GPD2: variants seen among roughly 807,000 people sequenced by gnomAD.
The protein encoded by GPD2 is glycerol-3-phosphate dehydrogenase, mitochondrial.
A neutral mutation model predicts 82.4 loss-of-function variants in GPD2; 54 were observed. The ratio of observed to expected loss-of-function variants is 0.66; its 90% CI spans 0.53 to 0.82. GPD2 has a LOEUF of 0.82. GPD2 is among the 40% of genes least tolerant of loss of function. The pLI, the probability that GPD2 is intolerant of heterozygous loss-of-function variation, is 0.00. For missense variants in GPD2, 748 were observed against 896.2 expected, an observed-to-expected ratio of 0.83 and a Z score of 2.11; for synonymous variants, 288 against 306.1, an observed-to-expected ratio of 0.94 and a Z score of 0.62.
chr2:156,434,524 A>C (rs150499081), upstream of GPD2, among the ~76,000 whole-genome samples: 1 of 152,218 alleles, frequency 6.6e-6, no homozygotes, highest in Non-Finnish European at 1.5e-5. Flanking sequence ...AATTCCAGGA[A>C]CATGAAGATA....
In GPD2 at chr2:156,469,612, A is replaced by G. The variant is rs537103524; in HGVS notation, c.-8-6486A>G. ...GCTGCAATAAACATGGGAGTGCAATATGGGATGCCTTTATGTCTTGCTGGA... is the reference window on the plus strand; with the variant it reads ...GCTGCAATAAACATGGGAGTGCAATGTGGGATGCCTTTATGTCTTGCTGGA... On this transcript the variant is annotated intron_variant, in intron 1 of 16. Transcript: ENST00000438166. Among the ~76,000 whole-genome samples the G allele has an allele frequency of 7.2e-5, 11 of 152,312 alleles. No individual in the cohort carries two copies. The South Asian group carries it at 1.9e-3, about 26-fold the overall frequency.
At chr2:156,552,062 G>T (rs143384534) in intron 8 of GPD2, among the ~76,000 whole-genome samples, 2 of 152,108 alleles carry the variant, frequency 1.3e-5, no homozygotes, top group South Asian at 2.1e-4. Flanking sequence ...TTGGTTGTCC[G>T]GTAACTAAAT....
rs1686004155 is a variant in GPD2, at chr2:156,534,877, A to G, written c.662-14731A>G. Among the ~76,000 whole-genome samples the G allele has an allele frequency of 2.0e-5, 3 of 152,218 alleles. No homozygotes were observed. The South Asian group carries it at 6.2e-4, about 32-fold the overall frequency. ...CATTGATTTATGGTTGCCTGTGAGAAGTTCTGTGACAAGCATATACCTAAT... is the reference window on the plus strand; with the variant it reads ...CATTGATTTATGGTTGCCTGTGAGAGGTTCTGTGACAAGCATATACCTAAT... On this transcript the variant is annotated intron_variant, in intron 6 of 16. Coordinates refer to ENST00000438166, the MANE Select transcript of GPD2 (RefSeq NM_000408.5).
In GPD2 at chr2:156,545,569, A is replaced by G. The variant is rs570454193; in HGVS notation, c.662-4039A>G. ...AATTGAGAAGTACTTTTTCTAACAA[A>G]TAGAGTTTCTATACTGGCAGGTAGA... On this transcript the variant is annotated intron_variant, in intron 6 of 16. Transcript: ENST00000438166. 4.6e-5 allele frequency among the ~76,000 whole-genome samples: 7 copies of G among 152,334 alleles called. No individual in the cohort carries two copies. The East Asian group carries it at 5.8e-4, about 13-fold the overall frequency.
Position 156,579,244 on chromosome 2 carries a change from C to A in GPD2, c.1959+80C>A, listed in dbSNP as rs963562375. ...AGATGTTTTTCTCATCTAGGGTTTT[C>A]TACAAGTAATATTTTTGTTATAATT... On this transcript the variant is annotated intron_variant, in intron 15 of 16. Coordinates refer to ENST00000438166, the MANE Select transcript of GPD2 (RefSeq NM_000408.5). 8 of 790,874 alleles carry A rather than the reference C, an allele frequency of 1.0e-5. No individual in the cohort carries two copies. In the African/African-American group the frequency reaches 1.4e-4, roughly 14 times the overall value. The allele number at this position is 790,874 out of a possible 1,614,324, so 49.0% of individuals were successfully genotyped here.
At chr2:156,503,605 A>G (rs1024914386) in intron 3 of GPD2, among the ~76,000 whole-genome samples, 3 of 152,218 alleles carry the variant, frequency 2.0e-5, no homozygotes, top group Non-Finnish European at 2.9e-5. Flanking sequence ...AGATAGATGT[A>G]TAAGTATTTA....
At chr2:156,570,853 G>A (rs1373405453) in intron 12 of GPD2, among the ~76,000 whole-genome samples, 2 of 152,260 alleles carry the variant, frequency 1.3e-5, no homozygotes, top group South Asian at 2.1e-4. Context: ...ACTGTGGATG[G>A]TTAATGAGAA....
In GPD2 at chr2:156,571,186, G is replaced by A. The variant is rs147743394; in HGVS notation, c.1661G>A (p.Arg554His). 199 of 1,611,344 alleles carry A rather than the reference G, an allele frequency of 1.2e-4. No individual in the cohort carries two copies. Among genetic ancestry groups the A allele is most frequent in the Middle Eastern group, 1.7e-4 (1 of 6,034 alleles). Residue 554 changes from arginine to histidine, a missense_variant, in exon 13 of 17, where the codon CGT becomes CAT. Coordinates refer to ENST00000438166, the MANE Select transcript of GPD2 (RefSeq NM_000408.5). ...YACTAVDMIS[R>H]RTRLAFLNVQ... ...TGCACTGCTGTGGATATGATTTCAC[G>A]TCGTACTCGCCTGGCCTTTCTAAAT...
intron 6 of GPD2, among the ~76,000 whole-genome samples, chr2:156,543,206 C>G (rs111982256): frequency 0.02 from 3,032 of 152,200 alleles, 88 homozygotes; most frequent in African/African-American, 0.068. Flanking sequence ...TAATAGTCCC[C>G]CTTGATCCCA....
At chr2:156,407,382 T>C in the GPD2 span, among the ~76,000 whole-genome samples, 9 of 152,252 alleles carry the variant, frequency 5.9e-5, no homozygotes, top group African/African-American at 2.2e-4. Flanking sequence ...GTTATGCTCA[T>C]ATCCTTTTCT....
chr2:156,528,005 A>G (rs1167166518), intron 6 of GPD2, among the ~76,000 whole-genome samples: 1 of 152,158 alleles, frequency 6.6e-6, no homozygotes, highest in East Asian at 1.9e-4. Context: ...TTACCTCAGA[A>G]CCATTTTAGT....
the GPD2 span, among the ~76,000 whole-genome samples, chr2:156,426,136 G>A: frequency 6.6e-6 from 1 of 151,954 alleles, no homozygotes; most frequent in Admixed American, 6.6e-5. Flanking sequence ...TTTTAGCCGG[G>A]ATAGTCTCGA....
chr2:156,533,321 CATGAGCT>C (rs1558946945), intron 6 of GPD2, among the ~76,000 whole-genome samples: 3 of 152,194 alleles, frequency 2.0e-5, no homozygotes, highest in Non-Finnish European at 4.4e-5. Context: ...TCCATCAACT[CATGAGCT>C]ATGAGCTATG....
chr2:156,510,878 G>C lies in GPD2; in HGVS notation c.357G>C (p.Val119=). Residue 119 remains valine, a synonymous_variant, in exon 4 of 17, where the codon GTG becomes GTC. Coordinates refer to ENST00000438166, the MANE Select transcript of GPD2 (RefSeq NM_000408.5). ...SRSTKLIHGG[V]RYLQKAIMKL... ...GCACTAAATTGATCCATGGTGGTGT[G>C]AGATATCTGCAGAAGGCCATCATGA... The C allele has an allele frequency of 6.2e-7, 1 of 1,612,992 alleles. No individual in the cohort carries two copies. The highest frequency in any genetic ancestry group is 8.5e-7 in the Non-Finnish European group (1 of 1,178,944).
chr2:156,468,185 T>C (rs891849447), intron 1 of GPD2, among the ~76,000 whole-genome samples: 1 of 152,186 alleles, frequency 6.6e-6, no homozygotes, highest in African/African-American at 2.4e-5. Flanking sequence ...CACCCAGTGA[T>C]CTTGACTTTT....
chr2:156,578,351 A>AG (rs1687898335), intron 13 of GPD2, among the ~76,000 whole-genome samples: 1 of 152,096 alleles, frequency 6.6e-6, no homozygotes, highest in African/African-American at 2.4e-5. Flanking sequence ...TTCAAATCCA[A>AG]GATAGCTTCA....
chr2:156,483,636 G>A (rs911305330), intron 2 of GPD2, among the ~76,000 whole-genome samples: 6 of 152,176 alleles, frequency 3.9e-5, no homozygotes, highest in Non-Finnish European at 8.8e-5. Flanking sequence ...GTTCAAATGA[G>A]TATTTGTTGA....
chr2:156,565,907 A>C (rs1687371505), intron 9 of GPD2, among the ~76,000 whole-genome samples: 2 of 152,044 alleles, frequency 1.3e-5, no homozygotes, highest in African/African-American at 4.8e-5. Context: ...TTTTTACACA[A>C]AGAGTCTGCT....
In GPD2 at chr2:156,496,222, CTTT is replaced by C; in HGVS notation, c.274+17_274+19del. 9 of 1,353,232 alleles carry C rather than the reference CTTT, an allele frequency of 6.7e-6. No individual in the cohort carries two copies. The highest frequency in any genetic ancestry group is 1.2e-5 in the South Asian group (1 of 80,832). The allele number at this position is 1,353,232 out of a possible 1,614,324, so 83.8% of individuals were successfully genotyped here. On this transcript the variant is annotated splice_region_variant and intron_variant, in intron 3 of 16. Transcript: ENST00000438166. ...CTAGATGCTGTCACCAGAGGTAAGT[CTTT>C]TTTTTTTTTATTTTAATTTTAAGTT... is the stretch of plus-strand genomic sequence containing the variant.
Sources: gnomAD v4.1 joint callset for allele counts (sites outside exome capture counted in the v4.1 genomes callset) on GRCh38, gnomAD v4.1.1 for gene constraint, MANE v1.5 for transcripts, NCBI Gene and HGNC (gene_info 2026-07-23, HGNC 2026-07-21) for gene names.